The following RGS6 variants were observed in gnomAD, a reference collection of about 807,000 sequenced individuals.
RGS6 encodes regulator of G protein signaling 6.
Under a neutral mutation model 78.5 loss-of-function variants are expected in RGS6, and 30 were observed. That is an observed-to-expected ratio of 0.38 (90% confidence interval 0.29 to 0.52). The LOEUF (loss-of-function observed/expected upper bound fraction) is 0.52. Among genes scored for constraint, RGS6 ranks in the 20% least tolerant of loss-of-function variants. RGS6 has a pLI of 0.85. For missense variants in RGS6, 495 were observed against 609.7 expected (o/e 0.81, Z 1.98); for synonymous variants, 206 against 206.0 (o/e 1.00, Z 0.00).
At chr14:72,112,045 C>T (rs912331412) in intron 2 of RGS6, among the ~76,000 whole-genome samples, 1 of 152,184 alleles carries the variant, frequency 6.6e-6, no homozygotes, top group Admixed American at 6.5e-5. Flanking sequence ...CATTGGCATG[C>T]GGAGCTCTGG....
chr14:72,374,740 T>G (rs557076243), intron 3 of RGS6, among the ~76,000 whole-genome samples: 1 of 152,364 alleles, frequency 6.6e-6, no homozygotes, highest in East Asian at 1.9e-4. Context: ...GACATTGTAA[T>G]TATATTCAGA....
intron 2 of RGS6, among the ~76,000 whole-genome samples, chr14:72,184,369 A>AACACACACAC (rs10638767): frequency 0.091 from 12,785 of 141,196 alleles, 640 homozygotes; most frequent in Non-Finnish European, 0.1. Flanking sequence ...TTTACTTTCA[A>AACACACACAC]ACACACACAC....
intron 3 of RGS6, among the ~76,000 whole-genome samples, chr14:72,377,107 C>T (rs181963244): frequency 6.6e-6 from 1 of 152,190 alleles, no homozygotes; most frequent in African/African-American, 2.4e-5. Context: ...TAGATGTAGA[C>T]TGACTGAACA....
the RGS6 span, chr14:72,612,749 G>A: frequency 7.8e-6 from 3 of 383,280 alleles, no homozygotes; most frequent in Non-Finnish European, 1.6e-5. Context: ...CCCAACTATT[G>A]CCAAATATCT....
chr14:72,329,509 G>A (rs767072770), intron 2 of RGS6, among the ~76,000 whole-genome samples: 5 of 152,256 alleles, frequency 3.3e-5, no homozygotes, highest in Admixed American at 1.3e-4. Context: ...TCCCAGGTGG[G>A]CACTGTCCTG....
downstream of RGS6, among the ~76,000 whole-genome samples, chr14:72,569,047 T>C (rs2097717196): frequency 6.6e-6 from 1 of 152,282 alleles, no homozygotes; most frequent in African/African-American, 2.4e-5. Flanking sequence ...CCCTTGCCTG[T>C]GATCGCACCC....
rs576698527 is a variant in RGS6, at chr14:72,549,925, C to G, written c.1422+9831C>G. Among the ~76,000 whole-genome samples, 4 of 152,246 alleles carry G rather than the reference C, an allele frequency of 2.6e-5. No individual in the cohort carries two copies. The South Asian group carries it at 8.3e-4, about 32-fold the overall frequency. ...AGAAACTATGCCCCCACCCTGGCTTCCCTCCTCTAGGGCCCTGCCAGGGGG... is the reference window on the plus strand; with the variant it reads ...AGAAACTATGCCCCCACCCTGGCTTGCCTCCTCTAGGGCCCTGCCAGGGGG... On this transcript the variant is annotated intron_variant, in intron 17 of 17. Transcript: ENST00000553525.
chr14:71,988,811 G>T (rs2094831404), intron 2 of RGS6, among the ~76,000 whole-genome samples: 1 of 152,080 alleles, frequency 6.6e-6, no homozygotes, highest in South Asian at 2.1e-4. Context: ...GGTCTAACTG[G>T]GGAGGGGGTA....
At chr14:72,039,092 T>C (rs757674089) in intron 2 of RGS6, among the ~76,000 whole-genome samples, 2 of 152,204 alleles carry the variant, frequency 1.3e-5, no homozygotes, top group Non-Finnish European at 2.9e-5. Context: ...GTAGCAAATC[T>C]ACATTTTACA....
chr14:72,294,031 A>G lies in RGS6; in HGVS notation c.85-58064A>G, dbSNP rs577717946. ...TGTCCTGTGTGACAGTGCCTAGCCAAGGGGGCAAGTGGGACCTGAAATACA... is the reference window on the plus strand; with the variant it reads ...TGTCCTGTGTGACAGTGCCTAGCCAGGGGGGCAAGTGGGACCTGAAATACA... On this transcript the variant is annotated intron_variant, in intron 2 of 17. Transcript: ENST00000553525. Among the ~76,000 whole-genome samples the G allele has an allele frequency of 7.2e-5, 11 of 152,308 alleles. No homozygotes were observed. In the South Asian group the frequency reaches 1.9e-3, roughly 26 times the overall value.
intron 2 of RGS6, among the ~76,000 whole-genome samples, chr14:72,162,827 T>C (rs1462783948): frequency 6.6e-6 from 1 of 152,162 alleles, no homozygotes; most frequent in Admixed American, 6.5e-5. Context: ...TATATACATA[T>C]ACATATGTGT....
At chr14:72,551,337 A>G (rs998177280) in intron 17 of RGS6, among the ~76,000 whole-genome samples, 1 of 152,122 alleles carries the variant, frequency 6.6e-6, no homozygotes, top group Non-Finnish European at 1.5e-5. Flanking sequence ...TGTGTTTCTG[A>G]GAGGTCCCTG....
intron 3 of RGS6, among the ~76,000 whole-genome samples, chr14:72,450,777 TA>T (rs1266615684): frequency 6.6e-6 from 1 of 152,186 alleles, no homozygotes; most frequent in Admixed American, 6.5e-5. Flanking sequence ...GATCGTGGGT[TA>T]GCAGGAAGGA....
chr14:72,185,529 TAAC>T (rs956500736), intron 2 of RGS6, among the ~76,000 whole-genome samples: 11 of 152,170 alleles, frequency 7.2e-5, no homozygotes, highest in African/African-American at 2.7e-4. Context: ...TATCACAAAA[TAAC>T]AGTATGACAA....
the RGS6 span, among the ~76,000 whole-genome samples, chr14:72,598,095 G>A: frequency 1.3e-5 from 2 of 152,216 alleles, no homozygotes; most frequent in Non-Finnish European, 1.5e-5. Flanking sequence ...GGAAGGGACC[G>A]GCAACCCCTC....
intron 2 of RGS6, among the ~76,000 whole-genome samples, chr14:72,261,633 A>G (rs555887963): frequency 6.6e-6 from 1 of 152,320 alleles, no homozygotes; most frequent in South Asian, 2.1e-4. Context: ...TCAATGAACC[A>G]GTTACCAAAC....
At chr14:72,178,551 T>C (rs527681995) in intron 2 of RGS6, among the ~76,000 whole-genome samples, 25 of 152,390 alleles carry the variant, frequency 1.6e-4, no homozygotes, top group African/African-American at 6.0e-4. Context: ...ATACTTGTGA[T>C]GAAGTCAGGG....
intron 2 of RGS6, among the ~76,000 whole-genome samples, chr14:72,102,984 C>G (rs953997039): frequency 7.9e-5 from 12 of 152,076 alleles, no homozygotes; most frequent in African/African-American, 2.9e-4. Context: ...TCTTAAGGCC[C>G]CAAAGAGGAA....
At chr14:72,275,338 G>T (rs1281368659) in intron 2 of RGS6, among the ~76,000 whole-genome samples, 1 of 152,136 alleles carries the variant, frequency 6.6e-6, no homozygotes, top group African/African-American at 2.4e-5. Context: ...TATCTCAGTG[G>T]ATAGTCCCCA....
Sources: allele counts gnomAD v4.1 joint callset (sites outside exome capture counted in the v4.1 genomes callset), GRCh38; gene constraint gnomAD v4.1.1; transcripts MANE v1.5; gene names NCBI Gene and HGNC (gene_info 2026-07-23, HGNC 2026-07-21).